The following SNX29 variants were observed in gnomAD, a reference collection of about 807,000 sequenced individuals.
The protein encoded by SNX29 is sorting nexin 29.
Under a neutral mutation model 102.1 loss-of-function variants are expected in SNX29, and 78 were observed. The observed-to-expected ratio is 0.76, with a 90% CI of 0.64 to 0.92. The LOEUF (loss-of-function observed/expected upper bound fraction) is 0.92. Ranked by LOEUF, SNX29 falls within the 40% of genes least tolerant of loss-of-function variation. The probability of loss-of-function intolerance (pLI) is 0.00; values close to 1 mark genes in which losing one functional copy is unlikely to be tolerated. For synonymous variants in SNX29, 580 were observed against 414.5 expected (o/e 1.40, Z -4.85); for missense variants, 1,280 against 1,061.7 (o/e 1.21, Z -2.86).
intron 13 of SNX29, among the ~76,000 whole-genome samples, chr16:12,186,341 T>C (rs1337623823): frequency 6.6e-6 from 1 of 152,216 alleles, no homozygotes; most frequent in Non-Finnish European, 1.5e-5. Flanking sequence ...TTTTGCTCTA[T>C]TGGAGACAGA....
intron 18 of SNX29, among the ~76,000 whole-genome samples, chr16:12,418,909 C>G (rs1336880771): frequency 6.6e-6 from 1 of 152,164 alleles, no homozygotes; most frequent in Non-Finnish European, 1.5e-5. Context: ...ATGAAGCTTT[C>G]TCTCCTTGCC....
In SNX29 at chr16:12,432,913, GGGAAGGGCTTT is replaced by G. The variant is rs2085372030; in HGVS notation, c.2037+29387_2037+29397del. Among the ~76,000 whole-genome samples, 3 of 152,360 alleles carry G rather than the reference GGGAAGGGCTTT, an allele frequency of 2.0e-5. No individual in the cohort carries two copies. The South Asian group carries it at 6.2e-4, about 32-fold the overall frequency. ...ATGTGTTGACTGTGCATTGGTTTTAGGGAAGGGCTTTGGTGGACCGGACCTGGTGCATGGGG... is the reference window on the plus strand; with the variant it reads ...ATGTGTTGACTGTGCATTGGTTTTAGGGTGGACCGGACCTGGTGCATGGGG... On this transcript the variant is annotated intron_variant, in intron 18 of 20. Transcript: ENST00000566228.
At chr16:12,534,369 A>G (rs768530459) in intron 20 of SNX29, among the ~76,000 whole-genome samples, 2 of 152,114 alleles carry the variant, frequency 1.3e-5, no homozygotes, top group Non-Finnish European at 2.9e-5. Context: ...TGCACCTCTC[A>G]CACCTTCTCT....
intron 15 of SNX29, among the ~76,000 whole-genome samples, chr16:12,352,833 G>T (rs993246335): frequency 1.3e-5 from 2 of 152,192 alleles, no homozygotes; most frequent in Non-Finnish European, 2.9e-5. Flanking sequence ...CACTGTCATA[G>T]TGTTGTCAAA....
chr16:12,134,246 C>T (rs957707314), intron 13 of SNX29, among the ~76,000 whole-genome samples: 6 of 152,186 alleles, frequency 3.9e-5, no homozygotes, highest in African/African-American at 7.2e-5. Flanking sequence ...TTCTTGTCAT[C>T]GTATTATGGC....
rs879181181 is a variant in SNX29, at chr16:12,568,949, C to T, written c.*320C>T. The T allele has an allele frequency of 5.1e-6, 2 of 395,338 alleles. No individual in the cohort carries two copies. The highest frequency in any genetic ancestry group is 8.9e-5 in the East Asian group (2 of 22,398). The allele number at this position is 395,338 out of a possible 1,614,324, so 24.5% of individuals were successfully genotyped here. ...TCAGGGCTGGCAGGAGGGTGGGCAC[C>T]AGGTCAGGCTGGGTGCGCCATGGTT... is the stretch of plus-strand genomic sequence containing the variant. On this transcript the variant is annotated 3_prime_UTR_variant, in exon 21 of 21. Coordinates refer to ENST00000566228, the MANE Select transcript of SNX29 (RefSeq NM_032167.5).
chr16:12,027,999 C>T (rs1241727256), intron 4 of SNX29, among the ~76,000 whole-genome samples: 1 of 152,190 alleles, frequency 6.6e-6, no homozygotes, highest in Admixed American at 6.5e-5. Context: ...ACTGTTATTA[C>T]TGCCACTGTA....
chr16:12,477,644 G>C lies in SNX29; in HGVS notation c.2038-75G>C, dbSNP rs73506423. On this transcript the variant is annotated intron_variant, in intron 18 of 20. Coordinates refer to ENST00000566228, the MANE Select transcript of SNX29 (RefSeq NM_032167.5). ...ACTCTTGCTGCAGTTGGTTTTCATG[G>C]GGAAAGCATAGCCGAAATCCTACTC... 917 of 1,563,480 alleles carry C rather than the reference G, an allele frequency of 5.9e-4. 7 individuals are homozygous for C. In the African/African-American group the frequency reaches 0.011, roughly 18 times the overall value.
chr16:12,480,667 C>T (rs935123766), intron 19 of SNX29, among the ~76,000 whole-genome samples: 3 of 152,196 alleles, frequency 2.0e-5, no homozygotes, highest in African/African-American at 7.2e-5. Flanking sequence ...ACTCCCTTCC[C>T]ACCTCCTGCC....
At chr16:12,091,646 TG>T (rs1268315377) in intron 11 of SNX29, among the ~76,000 whole-genome samples, 1 of 151,852 alleles carries the variant, frequency 6.6e-6, no homozygotes. Flanking sequence ...TTAGACTTGG[TG>T]GTGCGTGCCT....
In SNX29 at chr16:12,189,603, T is replaced by C. The variant is rs996973808; in HGVS notation, c.1596-9998T>C. Among the ~76,000 whole-genome samples, 6 of 152,226 alleles carry C rather than the reference T, an allele frequency of 3.9e-5. No individual in the cohort carries two copies. The East Asian group carries it at 7.7e-4, about 20-fold the overall frequency. On this transcript the variant is annotated intron_variant, in intron 13 of 20. Coordinates refer to ENST00000566228, the MANE Select transcript of SNX29 (RefSeq NM_032167.5). ...CCTCTGATTAAAATGATGTCTGTTA[T>C]GCTCCTTCACTGTGGAGTTTCCCCT...
At chr16:11,997,282 C>T (rs1244157924) in intron 1 of SNX29, among the ~76,000 whole-genome samples, 1 of 152,184 alleles carries the variant, frequency 6.6e-6, no homozygotes, top group Non-Finnish European at 1.5e-5. Flanking sequence ...GTCTGGAACA[C>T]TGGCCTGCCC....
chr16:12,040,573 TC>T (rs1253630913), intron 4 of SNX29, among the ~76,000 whole-genome samples: 3 of 152,158 alleles, frequency 2.0e-5, no homozygotes, highest in Non-Finnish European at 4.4e-5. Flanking sequence ...TGGAAATCTT[TC>T]GTAAGGAACT....
intron 18 of SNX29, among the ~76,000 whole-genome samples, chr16:12,429,851 G>A (rs974194680): frequency 2.6e-5 from 4 of 152,198 alleles, no homozygotes; most frequent in Admixed American, 2.6e-4. Flanking sequence ...GAAAGGGCAT[G>A]GACTTTTGTA....
At chr16:12,091,605 G>A (rs1163816852) in intron 11 of SNX29, among the ~76,000 whole-genome samples, 2 of 151,942 alleles carry the variant, frequency 1.3e-5, no homozygotes, top group Non-Finnish European at 2.9e-5. Flanking sequence ...GAGTAGCACA[G>A]ATAGACCCTG....
At position 12,031,857 on chromosome 16, in the gene SNX29, T is replaced by C. The variant is rs181420198; in HGVS notation, c.247+4413T>C. Among the ~76,000 whole-genome samples, 115 of 152,216 alleles carry C rather than the reference T, an allele frequency of 7.6e-4. 1 individual carries two copies. Among genetic ancestry groups the C allele is most frequent in the African/African-American group, 2.3e-3 (96 of 41,530 alleles). ...AAAAAAATTGGTAAAATATACATAA[T>C]GAAATTTACCATTTCAGCCATTTGA... On this transcript the variant is annotated intron_variant, in intron 4 of 20. Coordinates refer to ENST00000566228, the MANE Select transcript of SNX29 (RefSeq NM_032167.5).
intron 20 of SNX29, among the ~76,000 whole-genome samples, chr16:12,541,539 C>A (rs942200557): frequency 6.6e-6 from 1 of 151,940 alleles, no homozygotes; most frequent in African/African-American, 2.4e-5. Context: ...TGTAGTTGTT[C>A]ATCAGCCTCC....
At chr16:12,388,669 G>A (rs1407013243) in intron 16 of SNX29, among the ~76,000 whole-genome samples, 3 of 152,194 alleles carry the variant, frequency 2.0e-5, no homozygotes, top group Non-Finnish European at 4.4e-5. Context: ...GAGTGGGACT[G>A]TGTTCCCATA....
intron 15 of SNX29, chr16:12,297,216 T>TC (rs2080012029): frequency 1.3e-5 from 2 of 152,388 alleles, no homozygotes; most frequent in South Asian, 4.1e-4. Flanking sequence ...GGTCTGGGTT[T>TC]CCCCACCACA....
Sources: gnomAD v4.1 joint callset for allele counts (sites outside exome capture counted in the v4.1 genomes callset) on GRCh38, gnomAD v4.1.1 for gene constraint, MANE v1.5 for transcripts, NCBI Gene and HGNC (gene_info 2026-07-23, HGNC 2026-07-21) for gene names.